The following SLFN14 variants were observed in gnomAD, a reference collection of about 807,000 sequenced individuals.
The protein encoded by SLFN14 is protein SLFN14.
Under a neutral mutation model 58.6 loss-of-function variants are expected in SLFN14, and 47 were observed. The observed-to-expected ratio is 0.80, with a 90% CI of 0.64 to 1.02. The LOEUF (loss-of-function observed/expected upper bound fraction) is 1.02. SLFN14 is among the 50% of genes least tolerant of loss of function. SLFN14 has a pLI of 0.00. For synonymous variants in SLFN14, 390 were observed against 387.3 expected (o/e 1.01, Z -0.08); for missense variants, 967 against 1,078.4 (o/e 0.90, Z 1.45).
In SLFN14 at chr17:35,557,856, A is replaced by T; in HGVS notation, c.207T>A (p.Tyr69Ter). The T allele has an allele frequency of 1.3e-6, 2 of 1,551,752 alleles. No individual in the cohort carries two copies. Among genetic ancestry groups the T allele is most frequent in the Non-Finnish European group, 1.7e-6 (2 of 1,146,996 alleles). ...VIKAEIDDKTYSYQCHGLGQD... is the reference protein window; with the variant it reads ...VIKAEIDDKT ...GTCCCAGCCCATGGCATTGGTAACT[A>T]TAGGTTTTATCATCAATCTCTGCTT... The change falls in exon 3 of 6, where the codon TAT (tyrosine) becomes TAA (stop). Residue 69 changes from tyrosine (Y) to a stop codon, truncating the protein, a stop_gained. Coordinates refer to ENST00000674182, the MANE Select transcript of SLFN14 (RefSeq NM_001129820.2). LOFTEE classifies it high-confidence loss of function.
At position 35,544,686 on chromosome 17, in the gene SLFN14, G is replaced by A. The variant is rs186610432; in HGVS notation, c.*3553C>T. On this transcript the variant is annotated 3_prime_UTR_variant, in exon 6 of 6. Transcript: ENST00000674182. ...TGGGATTACAGGCATGCGCCACCAT[G>A]CCCAGCTAATTTTGTATTTTTAGTG... 1.2e-3 allele frequency among the ~76,000 whole-genome samples: 189 copies of A among 152,142 alleles called. 1 individual carries two copies. Among genetic ancestry groups the A allele is most frequent in the East Asian group, 0.01 (54 of 5,174 alleles).
Position 35,557,878 on chromosome 17 carries a change from G to C in SLFN14, c.185C>G (p.Ala62Gly), listed in dbSNP as rs2072669396. Reference protein sequence around the residue: ...LLNSGGGVIKAEIDDKTYSYQ... With the variant: ...LLNSGGGVIKGEIDDKTYSYQ... The stretch of plus-strand genomic sequence containing the variant: ...ACTATAGGTTTTATCATCAATCTCT[G>C]CTTTGATCACACCACCTCCAGAATT... Residue 62 changes from alanine (A) to glycine (G), a missense_variant, in exon 3 of 6, where the codon GCA (alanine) becomes GGA (glycine). Transcript: ENST00000674182. 2 of 1,551,692 alleles carry C rather than the reference G, an allele frequency of 1.3e-6. No homozygotes were observed. The highest frequency in any genetic ancestry group is 4.9e-5 in the East Asian group (2 of 40,926).
rs564452805 is a variant in SLFN14, at chr17:35,559,761, T to C, written c.-79A>G. On this transcript the variant is annotated 5_prime_UTR_variant, in exon 2 of 6. Coordinates refer to ENST00000674182, the MANE Select transcript of SLFN14 (RefSeq NM_001129820.2). ...GAAAGCAGGCATCCGGCAAGACATG[T>C]GCACTCCCCTGATATCAATTTGTTC... Among the ~76,000 whole-genome samples the C allele has an allele frequency of 1.4e-4, 21 of 152,314 alleles. 1 individual carries two copies. In the South Asian group the frequency reaches 3.7e-3, roughly 27 times the overall value.
In SLFN14 at chr17:35,557,777, G is replaced by C. The variant is rs1366821953; in HGVS notation, c.286C>G (p.Leu96Val). The C allele has an allele frequency of 4.5e-6, 7 of 1,551,694 alleles. No homozygotes were observed. In the South Asian group the frequency reaches 8.3e-5, roughly 18 times the overall value. ...KLLPSGSQKY[L>V]DYMQQGHNLL... ...TTGTGCCCCTGCTGCATGTAGTCAAGGTATTTCTGTGAACCTGAAGGAAGG... is the reference window on the plus strand; with the variant it reads ...TTGTGCCCCTGCTGCATGTAGTCAACGTATTTCTGTGAACCTGAAGGAAGG... The change falls in exon 3 of 6, where the codon CTT becomes GTT. Residue 96 changes from leucine (L) to valine (V), a missense_variant. By Grantham distance (32) the Leu-to-Val change is conservative. Coordinates refer to ENST00000674182, the MANE Select transcript of SLFN14 (RefSeq NM_001129820.2).
At chr17:35,554,749 T>C in intron 3 of SLFN14, 45 bp from the exon 4 acceptor site, 1 of 1,185,416 alleles carries the variant, frequency 8.4e-7, no homozygotes. Flanking sequence ...AAATAAAAAG[T>C]TAAAAAAAAA....
In SLFN14 at chr17:35,557,567, T is replaced by A. The variant is rs768191104; in HGVS notation, c.496A>T (p.Lys166Ter). 2 of 1,551,546 alleles carry A rather than the reference T, an allele frequency of 1.3e-6. No individual in the cohort carries two copies. Among genetic ancestry groups the A allele is most frequent in the Non-Finnish European group, 1.7e-6 (2 of 1,146,994 alleles). Residue 166 changes from lysine to a stop codon, truncating the protein, a stop_gained, in exon 3 of 6, where the codon AAG becomes TAG. Coordinates refer to ENST00000674182, the MANE Select transcript of SLFN14 (RefSeq NM_001129820.2). LOFTEE classifies it high-confidence loss of function. ...RAQRGRPRVK[K>*]LHPQQVLNRC... ...TTGAGAACCTGCTGAGGATGCAACT[T>A]CTTCACCCTTGGTCTTCCTCTTTGG... is the stretch of plus-strand genomic sequence containing the variant.
Position 35,550,298 on chromosome 17 carries a change from C to G in SLFN14, c.1905-1225G>C, listed in dbSNP as rs542840871. Among the ~76,000 whole-genome samples the G allele has an allele frequency of 2.0e-5, 3 of 152,364 alleles. No individual in the cohort carries two copies. The East Asian group carries it at 5.8e-4, about 29-fold the overall frequency. On this transcript the variant is annotated intron_variant, in intron 5 of 5. Coordinates refer to ENST00000674182, the MANE Select transcript of SLFN14 (RefSeq NM_001129820.2). Reference sequence around the variant, plus strand: ...CAGTGGCTCACGCCTGTAATCCCAGCACTTTGCGAGAAGGAGGTGGGCGGA... The same window carrying G: ...CAGTGGCTCACGCCTGTAATCCCAGGACTTTGCGAGAAGGAGGTGGGCGGA...
chr17:35,552,379 G>A (rs1001436264), intron 5 of SLFN14, among the ~76,000 whole-genome samples: 21 of 151,954 alleles, frequency 1.4e-4, no homozygotes, highest in African/African-American at 4.4e-4. Flanking sequence ...GCTCACACCC[G>A]ACCAATCAGA....
In SLFN14 at chr17:35,552,799, T is replaced by C; in HGVS notation, c.1835A>G (p.Asp612Gly). Residue 612 changes from aspartate to glycine, a missense_variant, in exon 5 of 6, where the codon GAC (aspartate) becomes GGC (glycine). Physicochemically the swap from Asp to Gly is moderately conservative, Grantham distance 94. Coordinates refer to ENST00000674182, the MANE Select transcript of SLFN14 (RefSeq NM_001129820.2). ...CTCTTTTGGTTTGCAGTGAAACAAG[T>C]CCTTAATTTTCTCCATGATCTTTAT... ...LAIKIMEKIK[D>G]LFHCKPKEIL... 4 of 1,551,416 alleles carry C rather than the reference T, an allele frequency of 2.6e-6. No homozygotes were observed. The highest frequency in any genetic ancestry group is 3.5e-6 in the Non-Finnish European group (4 of 1,146,938).
chr17:35,544,678 G>A lies in SLFN14; in HGVS notation c.*3561C>T, dbSNP rs559988291. 5.3e-5 allele frequency among the ~76,000 whole-genome samples: 8 copies of A among 151,554 alleles called. No individual in the cohort carries two copies. The highest frequency in any genetic ancestry group is 3.3e-4 in the Admixed American group (5 of 15,196). ...CAAGTAGCTGGGATTACAGGCATGC[G>A]CCACCATGCCCAGCTAATTTTGTAT... On this transcript the variant is annotated 3_prime_UTR_variant, in exon 6 of 6. Transcript: ENST00000674182.
intron 3 of SLFN14, among the ~76,000 whole-genome samples, chr17:35,554,921 T>C (rs536115397): frequency 1.3e-5 from 2 of 152,282 alleles, no homozygotes; most frequent in South Asian, 4.1e-4. Context: ...TAAGTCACTG[T>C]GTGACTCGGC....
chr17:35,545,885 A>G lies in SLFN14; in HGVS notation c.*2354T>C, dbSNP rs114726501. ...AATTAGTCTGGTGTCTGGCCTGATC[A>G]CTGATTTTTTTTAAGTCGCCCAGGA... On this transcript the variant is annotated 3_prime_UTR_variant, in exon 6 of 6. Transcript: ENST00000674182. Among the ~76,000 whole-genome samples, 692 of 152,148 alleles carry G rather than the reference A, an allele frequency of 4.5e-3. 6 individuals carry two copies. The highest frequency in any genetic ancestry group is 0.016 in the African/African-American group (653 of 41,522).
Position 35,548,542 on chromosome 17 carries a change from G to C in SLFN14, c.2436C>G (p.Pro812=). 1 of 1,551,626 alleles carries C rather than the reference G, an allele frequency of 6.4e-7. No individual in the cohort carries two copies. Among genetic ancestry groups the C allele is most frequent in the Non-Finnish European group, 8.7e-7 (1 of 1,146,974 alleles). ...CHSLFQCGYL[P]KDIAILCRRG... Reference sequence around the variant, plus strand: ...TCCTGCACAGAATTGCTATATCTTTGGGCAGATAGCCACACTGGAACAGGC... The same window carrying C: ...TCCTGCACAGAATTGCTATATCTTTCGGCAGATAGCCACACTGGAACAGGC... Residue 812 remains proline (P), a synonymous_variant, in exon 6 of 6, where the codon CCC becomes CCG. Coordinates refer to ENST00000674182, the MANE Select transcript of SLFN14 (RefSeq NM_001129820.2).
chr17:35,555,200 G>A (rs1567714829), intron 3 of SLFN14, among the ~76,000 whole-genome samples: 2 of 151,858 alleles, frequency 1.3e-5, no homozygotes, highest in Non-Finnish European at 2.9e-5. Context: ...GTGAAACCCC[G>A]TCTCTACTAA....
chr17:35,552,674 A>ACATATATATACC lies in SLFN14; in HGVS notation c.1904+55_1904+56insGGTATATATATG. The ACATATATATACC allele has an allele frequency of 8.1e-6, 8 of 981,606 alleles. No individual in the cohort carries two copies. The East Asian group carries it at 1.9e-4, about 23-fold the overall frequency. 60.8% of individuals were successfully genotyped at this position (981,606 alleles called of 1,614,324 possible). A position where few individuals can be genotyped will look rare whatever the true frequency, so the allele number is the denominator to read the frequency against. ...CACATATATATACACATATATATAC[A>ACATATATATACC]CATATATATATACACATACATATTT... On this transcript the variant is annotated intron_variant, in intron 5 of 5. Coordinates refer to ENST00000674182, the MANE Select transcript of SLFN14 (RefSeq NM_001129820.2).
chr17:35,556,610 A>C (rs2142210374), intron 3 of SLFN14, among the ~76,000 whole-genome samples: 1 of 152,100 alleles, frequency 6.6e-6, no homozygotes, highest in South Asian at 2.1e-4. Flanking sequence ...ACATGGCAAA[A>C]CCCCATCTCT....
Position 35,558,066 on chromosome 17 carries a change from A to G in SLFN14, c.-4T>C, listed in dbSNP as rs1019988312. The G allele has an allele frequency of 9.0e-6, 14 of 1,549,328 alleles. No individual in the cohort carries two copies. The African/African-American group carries it at 1.8e-4, about 20-fold the overall frequency. Reference sequence around the variant, plus strand: ...TATCAGTCTTGAGACTCTCCATTTCAGCAGCCCCTCTGTGCTCCAAACAAT... The same window carrying G: ...TATCAGTCTTGAGACTCTCCATTTCGGCAGCCCCTCTGTGCTCCAAACAAT... On this transcript the variant is annotated 5_prime_UTR_variant, in exon 3 of 6. Coordinates refer to ENST00000674182, the MANE Select transcript of SLFN14 (RefSeq NM_001129820.2).
Position 35,548,172 on chromosome 17 carries a change from T to C in SLFN14, c.*67A>G, listed in dbSNP as rs1240956391. ...CCTCACTTGTAATATTAAAATGGAGTCACTGCTACCTGTCTAGGAGAAAGG... is the reference window on the plus strand; with the variant it reads ...CCTCACTTGTAATATTAAAATGGAGCCACTGCTACCTGTCTAGGAGAAAGG... On this transcript the variant is annotated 3_prime_UTR_variant, in exon 6 of 6. Coordinates refer to ENST00000674182, the MANE Select transcript of SLFN14 (RefSeq NM_001129820.2). The C allele has an allele frequency of 2.1e-6, 3 of 1,403,152 alleles. No homozygotes were observed. Among genetic ancestry groups the C allele is most frequent in the African/African-American group, 1.4e-5 (1 of 69,076 alleles). The allele number at this position is 1,403,152 out of a possible 1,614,324, so 86.9% of individuals were successfully genotyped here.
At chr17:35,553,631 A>G in intron 4 of SLFN14, 187 bp from the exon 5 acceptor site, 1 of 582,932 alleles carries the variant, frequency 1.7e-6, no homozygotes, top group Non-Finnish European at 3.0e-6. Context: ...ACATTTGGCA[A>G]TGTCTGGAAA....
Sources: allele counts gnomAD v4.1 joint callset (sites outside exome capture counted in the v4.1 genomes callset), GRCh38; gene constraint gnomAD v4.1.1; transcripts MANE v1.5; gene names NCBI Gene and HGNC (gene_info 2026-07-23, HGNC 2026-07-21).